The following MGAT5 variants were observed in gnomAD, a reference collection of about 807,000 sequenced individuals.
MGAT5 encodes the protein alpha-1,6-mannosylglycoprotein 6-beta-N-acetylglucosaminyltransferase A.
MGAT5 carries 30 observed loss-of-function variants against 94.3 expected under a neutral mutation model. The observed-to-expected ratio is 0.32, with a 90% CI of 0.24 to 0.43. The LOEUF (loss-of-function observed/expected upper bound fraction) is 0.43. Ranked by LOEUF, MGAT5 falls within the 20% of genes least tolerant of loss-of-function variation. The pLI, the probability that MGAT5 is intolerant of heterozygous loss-of-function variation, is 1.00. For missense variants in MGAT5, 691 were observed against 905.5 expected, an observed-to-expected ratio of 0.76 and a Z score of 3.04; for synonymous variants, 310 against 322.9, an observed-to-expected ratio of 0.96 and a Z score of 0.43.
Position 134,270,480 on chromosome 2 carries a change from C to T in MGAT5, c.336C>T (p.Thr112=), listed in dbSNP as rs760023610. ...SKVDNLVVNG[T]GTNSTNSTTA... The stretch of plus-strand genomic sequence containing the variant: ...TGGACAATCTTGTTGTCAATGGCAC[C>T]GGAACAAACTCAACCAACTCCACTA... Residue 112 remains threonine, a synonymous_variant, in exon 2 of 16, where the codon ACC becomes ACT. Coordinates refer to ENST00000281923, the MANE Select transcript of MGAT5 (RefSeq NM_002410.5). 2.6e-5 allele frequency: 42 copies of T among 1,614,030 alleles called. No homozygotes were observed. The highest frequency in any genetic ancestry group is 5.5e-5 in the South Asian group (5 of 91,086).
chr2:134,431,931 G>A (rs895149675), intron 14 of MGAT5, among the ~76,000 whole-genome samples: 1 of 152,188 alleles, frequency 6.6e-6, no homozygotes, highest in African/African-American at 2.4e-5. Context: ...AAAACCACTT[G>A]CTCTTTTCTC....
intron 10 of MGAT5, among the ~76,000 whole-genome samples, chr2:134,385,761 A>G (rs1260570756): frequency 6.6e-6 from 1 of 152,238 alleles, no homozygotes; most frequent in Non-Finnish European, 1.5e-5. Flanking sequence ...ACAATATGAC[A>G]CTAGGGAAAC....
chr2:134,135,319 G>C (rs926322793), intron 1 of MGAT5, among the ~76,000 whole-genome samples: 1 of 150,776 alleles, frequency 6.6e-6, no homozygotes, highest in Non-Finnish European at 1.5e-5. Context: ...TTGCACTAGG[G>C]GAAATGAATT....
At chr2:134,215,577 T>C (rs1237086705) in intron 1 of MGAT5, among the ~76,000 whole-genome samples, 1 of 152,206 alleles carries the variant, frequency 6.6e-6, no homozygotes, top group Admixed American at 6.5e-5. Flanking sequence ...TCTCAAGAGA[T>C]TGAGAACTCA....
chr2:134,240,092 A>G (rs78976240), intron 1 of MGAT5, among the ~76,000 whole-genome samples: 2,423 of 152,320 alleles, frequency 0.016, 75 homozygotes, highest in African/African-American at 0.055. Flanking sequence ...ATGGATACAT[A>G]AAGTGTATAA....
intron 2 of MGAT5, among the ~76,000 whole-genome samples, chr2:134,301,902 G>A (rs190492199): frequency 2.4e-4 from 36 of 152,258 alleles, no homozygotes; most frequent in African/African-American, 7.9e-4. Flanking sequence ...GGGACCCTTT[G>A]TCTCAAAATG....
chr2:134,264,207 A>G (rs1375111252), intron 1 of MGAT5, among the ~76,000 whole-genome samples: 1 of 151,980 alleles, frequency 6.6e-6, no homozygotes, highest in Non-Finnish European at 1.5e-5. Flanking sequence ...TTTTTAGTAG[A>G]GACGGGGTTT....
intron 2 of MGAT5, among the ~76,000 whole-genome samples, chr2:134,274,032 T>C (rs1405726562): frequency 6.6e-6 from 1 of 152,226 alleles, no homozygotes; most frequent in Non-Finnish European, 1.5e-5. Context: ...TTCTCTAGTT[T>C]TGTGATCTTA....
intron 9 of MGAT5, among the ~76,000 whole-genome samples, chr2:134,357,985 T>C (rs1679854855): frequency 6.6e-6 from 1 of 152,192 alleles, no homozygotes. Flanking sequence ...TGAATTTTTT[T>C]CTACCGTCGG....
intron 1 of MGAT5, among the ~76,000 whole-genome samples, chr2:134,163,364 C>T (rs1045736810): frequency 2.6e-5 from 4 of 152,022 alleles, no homozygotes; most frequent in Admixed American, 6.6e-5. Context: ...AAGGGTGTTC[C>T]GGACGGTTCA....
intron 2 of MGAT5, among the ~76,000 whole-genome samples, chr2:134,316,176 C>T (rs1686985779): frequency 6.6e-6 from 1 of 152,130 alleles, no homozygotes; most frequent in Non-Finnish European, 1.5e-5. Context: ...ATGGTCATTC[C>T]TACATAACAG....
intron 1 of MGAT5, among the ~76,000 whole-genome samples, chr2:134,201,685 G>A (rs1021320901): frequency 2.0e-5 from 3 of 152,170 alleles, no homozygotes; most frequent in Non-Finnish European, 4.4e-5. Context: ...TGTCAAGTGA[G>A]GTAACAGTGG....
intron 15 of MGAT5, among the ~76,000 whole-genome samples, chr2:134,442,172 A>G (rs1160822852): frequency 6.6e-6 from 1 of 152,190 alleles, no homozygotes; most frequent in Non-Finnish European, 1.5e-5. Flanking sequence ...TTGCATAAAT[A>G]AAGCTGTATC....
In MGAT5 at chr2:134,189,592, G is replaced by GTTTTTTTTTTTTTT. The variant is rs113582076; in HGVS notation, c.-142-64661_-142-64660insTTTTTTTTTTTTTT. ...ACATATGACTAACCTCATGGCTCTA[G>GTTTTTTTTTTTTTT]TTTTTTTTTGTTTTTTTTTTTTTTT... On this transcript the variant is annotated intron_variant, in intron 1 of 16. Coordinates refer to the MGAT5 transcript ENST00000409645. 1.1e-3 allele frequency among the ~76,000 whole-genome samples: 63 copies of GTTTTTTTTTTTTTT among 56,252 alleles called. 1 individual carries two copies. Among genetic ancestry groups the GTTTTTTTTTTTTTT allele is most frequent in the African/African-American group, 3.2e-3 (51 of 16,078 alleles). The allele number at this position is 56,252 out of a possible 152,430, so 36.9% of individuals were successfully genotyped here. A position where few individuals can be genotyped will look rare whatever the true frequency, so the allele number is the denominator to read the frequency against.
chr2:134,332,529 T>C (rs77912073), intron 4 of MGAT5, among the ~76,000 whole-genome samples: 20,419 of 152,084 alleles, frequency 0.13, 1,586 homozygotes, highest in South Asian at 0.25. Context: ...TAGGCATGGG[T>C]AAGGACTTCA....
intron 9 of MGAT5, among the ~76,000 whole-genome samples, chr2:134,355,722 G>GT (rs760933314): frequency 2.0e-5 from 3 of 152,140 alleles, no homozygotes; most frequent in Non-Finnish European, 4.4e-5. Context: ...AAATTTTCCG[G>GT]TATTTGGATA....
Position 134,334,496 on chromosome 2 carries a change from C to CTTTTTTTTTT in MGAT5, c.574-1707_574-1698dup, listed in dbSNP as rs59933611. On this transcript the variant is annotated intron_variant, in intron 4 of 15. Transcript: ENST00000281923. ...CAAATCTCTACTTTCCTTGCTCATC[C>CTTTTTTTTTT]TTTTTTTTTTTTTTTTTTTTTTTGC... Among the ~76,000 whole-genome samples, 28 of 34,112 alleles carry CTTTTTTTTTT rather than the reference C, an allele frequency of 8.2e-4. 7 individuals carry two copies. The highest frequency in any genetic ancestry group is 5.3e-3 in the East Asian group (5 of 938). 22.4% of individuals were successfully genotyped at this position (34,112 alleles called of 152,430 possible). A position where few individuals can be genotyped will look rare whatever the true frequency, so the allele number is the denominator to read the frequency against.
At chr2:134,221,034 G>A (rs1264781592) in intron 1 of MGAT5, among the ~76,000 whole-genome samples, 1 of 152,128 alleles carries the variant, frequency 6.6e-6, no homozygotes, top group Non-Finnish European at 1.5e-5. Context: ...TAACAGTTGA[G>A]AGCCCCACTC....
intron 2 of MGAT5, among the ~76,000 whole-genome samples, chr2:134,283,022 A>G (rs548168748): frequency 6.6e-6 from 1 of 151,684 alleles, no homozygotes; most frequent in Non-Finnish European, 1.5e-5. Flanking sequence ...TTACTGTATC[A>G]TCTGTCATTT....
Sources: allele counts gnomAD v4.1 joint callset (sites outside exome capture counted in the v4.1 genomes callset), GRCh38; gene constraint gnomAD v4.1.1; transcripts MANE v1.5; gene names NCBI Gene and HGNC (gene_info 2026-07-23, HGNC 2026-07-21).